Variants in PHF3 observed in about 807,000 individuals in gnomAD.
PHF3 encodes the protein PHD finger protein 3.
A neutral mutation model predicts 178.4 loss-of-function variants in PHF3; 41 were observed. The ratio of observed to expected loss-of-function variants is 0.23; its 90% confidence interval spans 0.18 to 0.30. PHF3 has a LOEUF of 0.30. Ranked by LOEUF, PHF3 falls within the 10% of genes least tolerant of loss-of-function variation. PHF3 has a pLI of 1.00. For missense variants in PHF3, 2,346 were observed against 2,398.1 expected (o/e 0.98, Z 0.45); for synonymous variants, 842 against 800.5 (o/e 1.05, Z -0.88).
rs550392186 is a variant in PHF3 at position 63,722,600 on chromosome 6, G to T, written c.*8892G>T. Among the ~76,000 whole-genome samples, 35 of 152,332 alleles carry T rather than the reference G, an allele frequency of 2.3e-4. No homozygotes were observed. Among genetic ancestry groups the T allele is most frequent in the African/African-American group, 8.2e-4 (34 of 41,584 alleles). ...CTTCACTGTAAGATTGCTTGAAGAG[G>T]ATAGCAAAATGACTTATTAATAATG... On this transcript the variant is annotated 3_prime_UTR_variant, in exon 16 of 16. Coordinates refer to ENST00000262043, the MANE Select transcript of PHF3 (RefSeq NM_001370348.2).
At chr6:63,669,947 T>C (rs1307900976) in intron 2 of PHF3, among the ~76,000 whole-genome samples, 2 of 152,210 alleles carry the variant, frequency 1.3e-5, no homozygotes, top group Admixed American at 6.5e-5. Flanking sequence ...AATTCTCTTA[T>C]GTGTTCCAAA....
At chr6:63,655,116 T>G (rs1312520203) in intron 2 of PHF3, among the ~76,000 whole-genome samples, 1 of 152,056 alleles carries the variant, frequency 6.6e-6, no homozygotes, top group Non-Finnish European at 1.5e-5. Flanking sequence ...CAGGCTGTAG[T>G]GCAATGACAC....
chr6:63,688,568 C>T (rs923213428), intron 4 of PHF3, among the ~76,000 whole-genome samples: 3 of 151,568 alleles, frequency 2.0e-5, no homozygotes, highest in Non-Finnish European at 4.4e-5. Flanking sequence ...CTCCTGAATT[C>T]AGGTGATCCG....
intron 2 of PHF3, among the ~76,000 whole-genome samples, chr6:63,653,684 G>A (rs1765115226): frequency 4.6e-5 from 7 of 151,958 alleles, no homozygotes; most frequent in South Asian, 2.1e-4. Context: ...GTACTGTGTC[G>A]AATGAAAATG....
intron 6 of PHF3, 64 bp downstream of exon 6, chr6:63,694,828 A>G: frequency 1.1e-6 from 1 of 948,026 alleles, no homozygotes; most frequent in Non-Finnish European, 1.4e-6. Context: ...GATACAATTA[A>G]TTAGTATACT....
In PHF3 at chr6:63,704,438, G is replaced by A. The variant is rs146415433; in HGVS notation, c.3367+767G>A. 3.8e-3 allele frequency among the ~76,000 whole-genome samples: 577 copies of A among 150,532 alleles called. 3 individuals are homozygous for A. Among genetic ancestry groups the A allele is most frequent in the African/African-American group, 0.012 (503 of 40,862 alleles). On this transcript the variant is annotated intron_variant, in intron 11 of 15. Coordinates refer to ENST00000262043, the MANE Select transcript of PHF3 (RefSeq NM_001370348.2). ...CCCCCACCAGCCCCTGGAAACCACT[G>A]ATCTTTTCATTGTCTCTGTAGTTTT...
At chr6:63,704,918 C>T (rs1035511412) in intron 11 of PHF3, among the ~76,000 whole-genome samples, 2 of 152,196 alleles carry the variant, frequency 1.3e-5, no homozygotes, top group Non-Finnish European at 2.9e-5. Context: ...TCCTGTTGCT[C>T]TACATCTTTG....
chr6:63,713,007 C>T lies in PHF3; in HGVS notation c.5419C>T (p.His1807Tyr). Residue 1807 changes from histidine to tyrosine, a missense_variant, in exon 16 of 16, where the codon CAT becomes TAT. Physicochemically the swap from His to Tyr is moderately conservative, Grantham distance 83. Around this residue, in one of 8 missense-constraint regions of PHF3, gnomAD observed 839 missense variants for 806.9 expected, o/e 1.04. Transcript: ENST00000262043. ...GAGGCCACAGCAGCCCAACCTTCAG[C>T]ATCTCAAGTCTAGCCCACCTGGATT... ...PMRPQQPNLQ[H>Y]LKSSPPGFPF... 1 of 1,614,054 alleles carries T rather than the reference C, an allele frequency of 6.2e-7. No homozygotes were observed. Among genetic ancestry groups the T allele is most frequent in the Non-Finnish European group, 8.5e-7 (1 of 1,179,948 alleles).
chr6:63,669,225 A>G (rs530498195), intron 2 of PHF3, among the ~76,000 whole-genome samples: 2 of 152,368 alleles, frequency 1.3e-5, no homozygotes, highest in East Asian at 3.9e-4. Flanking sequence ...TTAAAAAACT[A>G]TATTGATAAT....
chr6:63,710,702 G>T (rs1333102716), intron 14 of PHF3, among the ~76,000 whole-genome samples: 1 of 152,106 alleles, frequency 6.6e-6, no homozygotes, highest in East Asian at 1.9e-4. Context: ...TGGATTATTA[G>T]TAGATTTGTC....
chr6:63,663,802 G>T (rs572755074), intron 2 of PHF3, among the ~76,000 whole-genome samples: 2 of 152,094 alleles, frequency 1.3e-5, no homozygotes, highest in Admixed American at 6.6e-5. Context: ...TCTACCTTGC[G>T]CTATTATGTG....
chr6:63,698,773 C>T (rs2149598832), intron 8 of PHF3, among the ~76,000 whole-genome samples, 168 bp downstream of exon 8: 1 of 152,222 alleles, frequency 6.6e-6, no homozygotes, highest in South Asian at 2.1e-4. Flanking sequence ...AATAATTCTG[C>T]ATACTAATAG....
chr6:63,721,612 T>C lies in PHF3; in HGVS notation c.*7904T>C. ...AGAGAACTCATTTTAGTGGAGGCCT[T>C]TTCTGTTACATTTATCCCATCTAGA... On this transcript the variant is annotated 3_prime_UTR_variant, in exon 16 of 16. Transcript: ENST00000262043. The C allele has an allele frequency of 6.4e-7, 1 of 1,551,462 alleles. No homozygotes were observed.
In PHF3 at chr6:63,637,672, A is replaced by G. The variant is rs1764403383; in HGVS notation, c.-26+1522A>G. Among the ~76,000 whole-genome samples the G allele has an allele frequency of 2.0e-5, 3 of 151,984 alleles. No homozygotes were observed. In the East Asian group the frequency reaches 5.8e-4, roughly 29 times the overall value. ...TCATTATCACTGTTATTATTATTTT[A>G]CAATACATACTTCATTTTCTGGTGA... is the stretch of plus-strand genomic sequence containing the variant. On this transcript the variant is annotated intron_variant, in intron 1 of 15. Transcript: ENST00000262043.
chr6:63,696,712 C>T (rs1169415127), intron 6 of PHF3, among the ~76,000 whole-genome samples: 1 of 152,094 alleles, frequency 6.6e-6, no homozygotes, highest in Admixed American at 6.5e-5. Context: ...AGACTGGTGG[C>T]CTGGAAGCCA....
chr6:63,706,578 ATG>A (rs1767702880), intron 12 of PHF3, 149 bp from the exon 13 acceptor site: 7 of 651,802 alleles, frequency 1.1e-5, no homozygotes, highest in African/African-American at 1.8e-5. Context: ...GTAAATATGA[ATG>A]TAATTTTATA....
intron 4 of PHF3, among the ~76,000 whole-genome samples, chr6:63,690,200 C>G (rs745976802): frequency 6.6e-6 from 1 of 152,014 alleles, no homozygotes; most frequent in Non-Finnish European, 1.5e-5. Context: ...TAACATTGTT[C>G]GAAAGTTTTC....
Position 63,724,373 on chromosome 6 carries a change from A to AT in PHF3, c.*10672dup, listed in dbSNP as rs550011828. ...AGCATATCAGGGGAATTGTATATAC[A>AT]TTTTTTTCTGTAGAAAAGGAAAGCA... On this transcript the variant is annotated 3_prime_UTR_variant, in exon 16 of 16. Coordinates refer to ENST00000262043, the MANE Select transcript of PHF3 (RefSeq NM_001370348.2). Among the ~76,000 whole-genome samples, 149 of 152,114 alleles carry AT rather than the reference A, an allele frequency of 9.8e-4. No individual in the cohort carries two copies. Among genetic ancestry groups the AT allele is most frequent in the African/African-American group, 3.4e-3 (140 of 41,500 alleles).
At position 63,725,980 on chromosome 6, in the gene PHF3, A is replaced by T. The variant is rs1162228918; in HGVS notation, c.*12272A>T. On this transcript the variant is annotated 3_prime_UTR_variant, in exon 16 of 16. Transcript: ENST00000262043. ...TGAAAATGGATATCAAGGGTAAAGT[A>T]AAACCTAAAAAATTAAATTTTAAAA... Among the ~76,000 whole-genome samples, 1 of 152,194 alleles carries T rather than the reference A, an allele frequency of 6.6e-6. No homozygotes were observed. Among genetic ancestry groups the T allele is most frequent in the African/African-American group, 2.4e-5 (1 of 41,468 alleles).
Sources: allele counts gnomAD v4.1 joint callset (sites outside exome capture counted in the v4.1 genomes callset), GRCh38; gene constraint gnomAD v4.1.1; regional missense constraint gnomAD v4.1.1; transcripts MANE v1.5; gene names NCBI Gene and HGNC (gene_info 2026-07-23, HGNC 2026-07-21).